The following SCEL variants were observed in gnomAD, a reference collection of about 807,000 sequenced individuals.
SCEL encodes sciellin.
A neutral mutation model predicts 117.6 loss-of-function variants in SCEL; 113 were observed. The observed-to-expected ratio is 0.96, with a 90% CI of 0.83 to 1.12. SCEL has a LOEUF of 1.12. Among genes scored for constraint, SCEL ranks in the 50% most tolerant of loss-of-function variants. The pLI, the probability that SCEL is intolerant of heterozygous loss-of-function variation, is 0.00. For synonymous variants in SCEL, 270 were observed against 256.2 expected (o/e 1.05, Z -0.51); for missense variants, 785 against 810.8 (o/e 0.97, Z 0.39).
At chr13:77,552,596 C>A (rs1490263338) in intron 1 of SCEL, among the ~76,000 whole-genome samples, 1 of 151,840 alleles carries the variant, frequency 6.6e-6, no homozygotes, top group East Asian at 1.9e-4. Context: ...GGATATTAGC[C>A]CTTTGTCAGA....
At chr13:77,629,816 A>C (rs755248602) in intron 28 of SCEL, among the ~76,000 whole-genome samples, 2 of 152,216 alleles carry the variant, frequency 1.3e-5, no homozygotes, top group African/African-American at 4.8e-5. Flanking sequence ...AATATGACCT[A>C]ATGGCAAGAG....
chr13:77,555,201 G>A (rs1170463090), intron 1 of SCEL, among the ~76,000 whole-genome samples: 1 of 152,144 alleles, frequency 6.6e-6, no homozygotes, highest in African/African-American at 2.4e-5. Flanking sequence ...ATTCAGTTCT[G>A]GGGAACTGGA....
At chr13:77,573,234 C>T (rs1460004046) in intron 9 of SCEL, among the ~76,000 whole-genome samples, 3 of 152,178 alleles carry the variant, frequency 2.0e-5, no homozygotes. Flanking sequence ...ATGGAGCCTA[C>T]ACTCTGGTCT....
At chr13:77,550,645 C>G (rs1429917018) in intron 1 of SCEL, among the ~76,000 whole-genome samples, 2 of 152,050 alleles carry the variant, frequency 1.3e-5, no homozygotes, top group African/African-American at 4.8e-5. Flanking sequence ...TGGCTTCTTT[C>G]ATTTAACTTA....
intron 10 of SCEL, among the ~76,000 whole-genome samples, chr13:77,590,913 G>T (rs2086829344): frequency 6.6e-6 from 1 of 152,016 alleles, no homozygotes; most frequent in African/African-American, 2.4e-5. Context: ...ATTTAATTCT[G>T]TCAGCTTAGT....
intron 30 of SCEL, among the ~76,000 whole-genome samples, chr13:77,639,148 G>C (rs2090441633): frequency 6.6e-6 from 1 of 152,044 alleles, no homozygotes; most frequent in African/African-American, 2.4e-5. Flanking sequence ...TGTATTTGCA[G>C]CTCCTAGATC....
chr13:77,541,748 T>G (rs1214366702), intron 1 of SCEL, among the ~76,000 whole-genome samples: 2 of 152,218 alleles, frequency 1.3e-5, no homozygotes, highest in Admixed American at 6.5e-5. Flanking sequence ...TTTTCCACAT[T>G]TTATATATGC....
chr13:77,549,530 C>T (rs1282312299), intron 1 of SCEL, among the ~76,000 whole-genome samples: 4 of 152,148 alleles, frequency 2.6e-5, no homozygotes, highest in African/African-American at 9.7e-5. Flanking sequence ...TGACTTTATC[C>T]TTGCAACTCT....
chr13:77,579,159 C>T (rs574342935), intron 9 of SCEL, among the ~76,000 whole-genome samples: 7 of 152,162 alleles, frequency 4.6e-5, no homozygotes, highest in African/African-American at 1.4e-4. Context: ...TACTTCCTCC[C>T]GAAAGCTTTC....
At position 77,614,530 on chromosome 13, in the gene SCEL, G is replaced by A. The variant is rs564259770; in HGVS notation, c.1451+575G>A. On this transcript the variant is annotated intron_variant, in intron 24 of 32. Coordinates refer to ENST00000349847, the MANE Select transcript of SCEL (RefSeq NM_144777.3). ...CACTTTTTGTCTATGGTTAAATGAAGACAATATCATTACACATTACTGTTT... is the reference window on the plus strand; with the variant it reads ...CACTTTTTGTCTATGGTTAAATGAAAACAATATCATTACACATTACTGTTT... 1.8e-3 allele frequency among the ~76,000 whole-genome samples: 279 copies of A among 152,180 alleles called. 1 individual carries two copies. Among genetic ancestry groups the A allele is most frequent in the African/African-American group, 6.3e-3 (261 of 41,526 alleles).
At chr13:77,571,313 G>A (rs528113173) in intron 8 of SCEL, among the ~76,000 whole-genome samples, 2 of 149,822 alleles carry the variant, frequency 1.3e-5, no homozygotes, top group South Asian at 4.3e-4. Context: ...CGCGGAGGGC[G>A]GAGCTTGCAG....
chr13:77,594,180 A>G (rs1458795295), intron 12 of SCEL, among the ~76,000 whole-genome samples: 1 of 152,054 alleles, frequency 6.6e-6, no homozygotes, highest in Non-Finnish European at 1.5e-5. Context: ...CTTCCACTAA[A>G]CTATTATCAC....
At chr13:77,628,917 T>C (rs899296345) in intron 28 of SCEL, among the ~76,000 whole-genome samples, 1 of 152,132 alleles carries the variant, frequency 6.6e-6, no homozygotes, top group Non-Finnish European at 1.5e-5. Context: ...TGAGGGAGGA[T>C]AAATTTTCAG....
intron 9 of SCEL, among the ~76,000 whole-genome samples, chr13:77,587,935 G>A (rs73227366): frequency 0.13 from 20,245 of 152,058 alleles, 1,431 homozygotes; most frequent in Non-Finnish European, 0.15. Context: ...TTTTTCTCCA[G>A]ATAGCCTCAT....
intron 1 of SCEL, among the ~76,000 whole-genome samples, chr13:77,537,889 C>A (rs547355154): frequency 6.6e-6 from 1 of 152,328 alleles, no homozygotes; most frequent in African/African-American, 2.4e-5. Flanking sequence ...CAGGCATCAA[C>A]TCCCAGCATT....
At chr13:77,592,919 G>C (rs964419663) in intron 11 of SCEL, among the ~76,000 whole-genome samples, 2 of 152,072 alleles carry the variant, frequency 1.3e-5, no homozygotes, top group African/African-American at 4.8e-5. Context: ...ATGATCCAGG[G>C]ATATTGGCAT....
chr13:77,591,284 G>A (rs756163607), intron 10 of SCEL, 111 bp from the exon 11 acceptor site: 9 of 727,586 alleles, frequency 1.2e-5, no homozygotes, highest in Admixed American at 2.5e-5. Flanking sequence ...TAGTGTTATG[G>A]TTCCAACAAA....
At chr13:77,576,029 C>T (rs1032228395) in intron 9 of SCEL, among the ~76,000 whole-genome samples, 1 of 152,176 alleles carries the variant, frequency 6.6e-6, no homozygotes, top group Non-Finnish European at 1.5e-5. Context: ...CCTCTTTCAT[C>T]TTAAAAAATG....
chr13:77,539,634 T>A (rs937964856), intron 1 of SCEL, among the ~76,000 whole-genome samples: 1 of 151,802 alleles, frequency 6.6e-6, no homozygotes, highest in Admixed American at 6.6e-5. Context: ...GCCTCCCGGG[T>A]TCACATCATT....
Sources: allele counts gnomAD v4.1 joint callset (sites outside exome capture counted in the v4.1 genomes callset), GRCh38; gene constraint gnomAD v4.1.1; transcripts MANE v1.5; gene names NCBI Gene and HGNC (gene_info 2026-07-23, HGNC 2026-07-21).